The following EML6 variants were observed in gnomAD, a reference collection of about 807,000 sequenced individuals.
EML6 encodes echinoderm microtubule-associated protein-like 6.
EML6 carries 154 observed loss-of-function variants against 240.1 expected under a neutral mutation model. The observed-to-expected ratio is 0.64, with a 90% CI of 0.56 to 0.73. The LOEUF (loss-of-function observed/expected upper bound fraction) is 0.73. EML6 is among the 30% of genes least tolerant of loss of function. The probability of loss-of-function intolerance (pLI) is 0.00; values close to 1 mark genes in which losing one functional copy is unlikely to be tolerated. For synonymous variants in EML6, 1,148 were observed against 899.0 expected (o/e 1.28, Z -4.95); for missense variants, 2,964 against 2,474.6 (o/e 1.20, Z -4.20).
intron 9 of EML6, among the ~76,000 whole-genome samples, chr2:54,849,020 C>G (rs1259149575): frequency 1.3e-5 from 2 of 152,138 alleles, no homozygotes; most frequent in African/African-American, 4.8e-5. Context: ...TACAGTCTCC[C>G]TTTCTCCATG....
At position 54,862,648 on chromosome 2, in the gene EML6, A is replaced by G. The variant is rs147778887; in HGVS notation, c.1826-1135A>G. On this transcript the variant is annotated intron_variant, in intron 12 of 41. Coordinates refer to ENST00000356458, the MANE Select transcript of EML6 (RefSeq NM_001039753.4). ...AAAATTCCCAAGCCTAGGAAAGAAA[A>G]TAAAGCCAAATCTAGGAAGCGCAAA... Among the ~76,000 whole-genome samples, 10 of 152,324 alleles carry G rather than the reference A, an allele frequency of 6.6e-5. No individual in the cohort carries two copies. In the East Asian group the frequency reaches 1.9e-3, roughly 29 times the overall value.
chr2:54,723,868 C>G (rs1397602212), intron 1 of EML6, 91 bp downstream of exon 1: 1 of 152,576 alleles, frequency 6.6e-6, no homozygotes, highest in Non-Finnish European at 1.5e-5. Context: ...GCAGTGCGCG[C>G]GGGCCGAACA....
Position 54,866,850 on chromosome 2 carries a change from C to G in EML6, c.2017C>G (p.Pro673Ala), listed in dbSNP as rs568802128. The G allele has an allele frequency of 3.9e-6, 6 of 1,550,960 alleles. No individual in the cohort carries two copies. The highest frequency in any genetic ancestry group is 1.2e-5 in the South Asian group (1 of 84,052). The change falls in exon 14 of 42, where the codon CCT becomes GCT. Residue 673 changes from proline (P) to alanine (A), a missense_variant. Physicochemically the swap from Pro to Ala is conservative, Grantham distance 27. Coordinates refer to ENST00000356458, the MANE Select transcript of EML6 (RefSeq NM_001039753.4). ...AVPFLKREKA[P>A]EDSLKLQFIH... ...GCCCTTCCTCAAACGAGAAAAGGCT[C>G]CTGAGGACAGCTTGAAACTCCAGTT...
chr2:54,875,444 C>A (rs1252208637), intron 16 of EML6, among the ~76,000 whole-genome samples: 2 of 152,202 alleles, frequency 1.3e-5, no homozygotes, highest in African/African-American at 4.8e-5. Context: ...TGTCGCTGCC[C>A]ATCTCTTAGG....
At chr2:54,859,400 A>C (rs888231717) in intron 11 of EML6, 134 bp from the exon 12 acceptor site, 1 of 680,074 alleles carries the variant, frequency 1.5e-6, no homozygotes, top group East Asian at 2.9e-5. Context: ...TATTTGTTAC[A>C]ATATGTAAGA....
rs200536332 is a variant in EML6 at position 54,923,365 on chromosome 2, ACG to A, written c.3676-4946_3676-4945del. ...AGTAGATCCTAAGTGTCCTCACCAAACGCACACACACACACACACACACACAC... is the reference window on the plus strand; with the variant it reads ...AGTAGATCCTAAGTGTCCTCACCAAACACACACACACACACACACACACAC... On this transcript the variant is annotated intron_variant, in intron 26 of 41. Transcript: ENST00000356458. Among the ~76,000 whole-genome samples, 470 of 69,720 alleles carry A rather than the reference ACG, an allele frequency of 6.7e-3. 2 individuals are homozygous for A. The highest frequency in any genetic ancestry group is 0.025 in the African/African-American group (442 of 17,660). The allele number at this position is 69,720 out of a possible 152,430, so 45.7% of individuals were successfully genotyped here. A position where few individuals can be genotyped will look rare whatever the true frequency, so the allele number is the denominator to read the frequency against.
intron 7 of EML6, among the ~76,000 whole-genome samples, chr2:54,831,328 C>G (rs898778753): frequency 3.9e-5 from 6 of 152,182 alleles, no homozygotes; most frequent in Admixed American, 6.5e-5. Context: ...GCATGGGGAT[C>G]AGCTAAGAAG....
chr2:54,849,784 G>A (rs1311203419), intron 9 of EML6, among the ~76,000 whole-genome samples, 178 bp from the exon 10 acceptor site: 3 of 152,172 alleles, frequency 2.0e-5, no homozygotes, highest in Non-Finnish European at 4.4e-5. Context: ...CACCGCGCCC[G>A]GCCAATGCCA....
intron 24 of EML6, among the ~76,000 whole-genome samples, chr2:54,907,954 TAGATAGA>T (rs1384177494): frequency 5.7e-5 from 2 of 35,076 alleles, no homozygotes; most frequent in Admixed American, 5.9e-4. Flanking sequence ...ATAAGATAGA[TAGATAGA>T]TAGATAGATA....
chr2:54,742,190 C>G (rs1427850256), intron 2 of EML6, among the ~76,000 whole-genome samples: 1 of 152,172 alleles, frequency 6.6e-6, no homozygotes, highest in Admixed American at 6.5e-5. Context: ...TGCTTAAAAA[C>G]TCCGGCCAAC....
intron 2 of EML6, among the ~76,000 whole-genome samples, chr2:54,797,815 C>A (rs1462863152): frequency 6.6e-6 from 1 of 152,128 alleles, no homozygotes; most frequent in Admixed American, 6.5e-5. Context: ...GGGCAAGTTA[C>A]TTGACTTCTC....
At chr2:54,767,626 G>A (rs1161425078) in intron 2 of EML6, among the ~76,000 whole-genome samples, 2 of 121,058 alleles carry the variant, frequency 1.7e-5, no homozygotes, top group African/African-American at 5.4e-5. Flanking sequence ...GTGTGTGTGT[G>A]TGTGTATGTG....
At chr2:54,895,199 G>A (rs1438090416) in intron 20 of EML6, 74 bp from the exon 21 acceptor site, 1 of 1,486,754 alleles carries the variant, frequency 6.7e-7, no homozygotes, top group African/African-American at 1.4e-5. Flanking sequence ...GTTCTTTGGA[G>A]CTATAAAAAT....
intron 2 of EML6, among the ~76,000 whole-genome samples, chr2:54,783,944 T>C (rs1668962574): frequency 6.6e-6 from 1 of 152,206 alleles, no homozygotes; most frequent in Non-Finnish European, 1.5e-5. Context: ...CCATAATTTA[T>C]TGAACTGTTT....
chr2:54,865,020 C>T (rs1435629279), intron 13 of EML6, among the ~76,000 whole-genome samples: 1 of 152,102 alleles, frequency 6.6e-6, no homozygotes, highest in African/African-American at 2.4e-5. Flanking sequence ...GCCATACAAC[C>T]CTGAACGTAG....
chr2:54,958,643 G>A lies in EML6; in HGVS notation c.4696-461G>A, dbSNP rs72910845. 3.6e-3 allele frequency among the ~76,000 whole-genome samples: 547 copies of A among 152,214 alleles called. 3 individuals are homozygous for A. The highest frequency in any genetic ancestry group is 0.013 in the African/African-American group (530 of 41,536). ...TAGATAATGATCCTTTTTCTTACCAGCCCTCTTGTGCCACAGATGCCCCCA... is the reference window on the plus strand; with the variant it reads ...TAGATAATGATCCTTTTTCTTACCAACCCTCTTGTGCCACAGATGCCCCCA... On this transcript the variant is annotated intron_variant, in intron 33 of 41. Transcript: ENST00000356458.
chr2:54,887,610 ATTC>A (rs1262882238), intron 17 of EML6, among the ~76,000 whole-genome samples: 1 of 152,190 alleles, frequency 6.6e-6, no homozygotes, highest in African/African-American at 2.4e-5. Flanking sequence ...GAAATCACCT[ATTC>A]TTCTAATGTT....
chr2:54,827,018 C>A (rs537270021), intron 5 of EML6, among the ~76,000 whole-genome samples: 1 of 152,182 alleles, frequency 6.6e-6, no homozygotes, highest in African/African-American at 2.4e-5. Context: ...ACTACAAATA[C>A]AAAAATTAGC....
At chr2:54,802,240 G>A (rs907602196) in intron 2 of EML6, among the ~76,000 whole-genome samples, 2 of 152,136 alleles carry the variant, frequency 1.3e-5, no homozygotes, top group African/African-American at 4.8e-5. Flanking sequence ...ATACAAGCAA[G>A]AATGAAATAC....
Sources: gnomAD v4.1 joint callset for allele counts (sites outside exome capture counted in the v4.1 genomes callset) on GRCh38, gnomAD v4.1.1 for gene constraint, MANE v1.5 for transcripts, NCBI Gene and HGNC (gene_info 2026-07-23, HGNC 2026-07-21) for gene names.